Variants in LRRTM4 observed in about 807,000 individuals in gnomAD.
The protein encoded by LRRTM4 is leucine rich repeat transmembrane neuronal 4, also known as leucine-rich repeat transmembrane neuronal protein 4.
LRRTM4 carries 25 observed loss-of-function variants against 47.6 expected under a neutral mutation model. That is an observed-to-expected ratio of 0.53 (90% CI 0.38 to 0.73). The LOEUF (loss-of-function observed/expected upper bound fraction) is 0.73, where lower values mean the gene tolerates loss of function less well. Ranked by LOEUF, LRRTM4 falls within the 30% of genes least tolerant of loss-of-function variation. The pLI, the probability that LRRTM4 is intolerant of heterozygous loss-of-function variation, is 0.00. For synonymous variants in LRRTM4, 311 were observed against 269.5 expected, an observed-to-expected ratio of 1.15 and a Z score of -1.51; for missense variants, 638 against 713.4, an observed-to-expected ratio of 0.89 and a Z score of 1.20.
chr2:77,009,074 T>TGA (rs994759642), intron 3 of LRRTM4: 1 of 152,094 alleles, frequency 6.6e-6, no homozygotes, highest in Non-Finnish European at 1.5e-5. Context: ...AGGCAAATGC[T>TGA]GAGAGCACAC....
At chr2:77,178,532 G>A (rs1354115360) in intron 3 of LRRTM4, among the ~76,000 whole-genome samples, 2 of 152,100 alleles carry the variant, frequency 1.3e-5, no homozygotes, top group Non-Finnish European at 2.9e-5. Flanking sequence ...GTTGCAGTGA[G>A]TCAAGATCGC....
chr2:76,884,094 C>A (rs1039228203), intron 3 of LRRTM4, among the ~76,000 whole-genome samples: 8 of 151,880 alleles, frequency 5.3e-5, no homozygotes, highest in East Asian at 3.9e-4. Context: ...TGTTGAACCA[C>A]CATGCCCAGC....
At chr2:77,185,053 T>C (rs1336464295) in intron 3 of LRRTM4, among the ~76,000 whole-genome samples, 1 of 152,156 alleles carries the variant, frequency 6.6e-6, no homozygotes, top group Non-Finnish European at 1.5e-5. Flanking sequence ...GGACCAAAAT[T>C]AATACTTCTG....
At chr2:77,340,073 A>T (rs187819313) in intron 3 of LRRTM4, among the ~76,000 whole-genome samples, 161 of 152,136 alleles carry the variant, frequency 1.1e-3, no homozygotes, top group African/African-American at 3.4e-3. Flanking sequence ...GTAGATTTTT[A>T]AAAAATGATA....
intron 3 of LRRTM4, among the ~76,000 whole-genome samples, chr2:76,764,267 A>C (rs1311402455): frequency 6.6e-6 from 1 of 152,206 alleles, no homozygotes; most frequent in Admixed American, 6.5e-5. Flanking sequence ...AAAAGAAAAA[A>C]AGAGAAAGCA....
chr2:76,816,414 G>A (rs912670203), intron 3 of LRRTM4, among the ~76,000 whole-genome samples: 21 of 151,820 alleles, frequency 1.4e-4, no homozygotes, highest in African/African-American at 4.1e-4. Flanking sequence ...TCTACTCAAC[G>A]GAACTGAAAG....
At chr2:76,952,040 T>C (rs1462391433) in intron 3 of LRRTM4, among the ~76,000 whole-genome samples, 1 of 152,000 alleles carries the variant, frequency 6.6e-6, no homozygotes, top group Admixed American at 6.6e-5. Flanking sequence ...GATGGGCATT[T>C]GGGTTGGTTC....
chr2:77,394,341 C>T (rs894377396), intron 3 of LRRTM4, among the ~76,000 whole-genome samples: 6 of 151,980 alleles, frequency 3.9e-5, no homozygotes, highest in African/African-American at 2.4e-5. Flanking sequence ...TTTCTCCTTC[C>T]TTCCCTTACT....
intron 3 of LRRTM4, among the ~76,000 whole-genome samples, chr2:77,053,708 A>G (rs998602399): frequency 1.3e-5 from 2 of 152,162 alleles, no homozygotes; most frequent in African/African-American, 2.4e-5. Flanking sequence ...TTTGCCAAAC[A>G]TAAAAGGAAC....
chr2:77,211,780 A>C (rs1573083055), intron 3 of LRRTM4, among the ~76,000 whole-genome samples: 1 of 152,168 alleles, frequency 6.6e-6, no homozygotes, highest in South Asian at 2.1e-4. Context: ...TTTTAAGCGA[A>C]ATATCAGATA....
intron 3 of LRRTM4, among the ~76,000 whole-genome samples, chr2:76,944,488 A>T (rs938135866): frequency 8.5e-5 from 13 of 152,086 alleles, no homozygotes; most frequent in Non-Finnish European, 1.6e-4. Context: ...CCAGTACCTG[A>T]TAAGTATTAG....
intron 3 of LRRTM4, among the ~76,000 whole-genome samples, chr2:77,064,088 T>A (rs1052568567): frequency 6.6e-6 from 1 of 152,220 alleles, no homozygotes; most frequent in African/African-American, 2.4e-5. Context: ...TTTAAAAATG[T>A]AACTATGCAA....
At chr2:77,147,862 G>A (rs1025371196) in intron 3 of LRRTM4, among the ~76,000 whole-genome samples, 5 of 152,220 alleles carry the variant, frequency 3.3e-5, no homozygotes, top group South Asian at 2.1e-4. Flanking sequence ...GCTACCTTAC[G>A]GATACAATAT....
chr2:76,961,268 G>A (rs1372507013), intron 3 of LRRTM4, among the ~76,000 whole-genome samples: 1 of 151,294 alleles, frequency 6.6e-6, no homozygotes, highest in Non-Finnish European at 1.5e-5. Context: ...AGGAGATGCT[G>A]TCAAAACATG....
At chr2:77,396,721 G>T (rs2103825922) in intron 3 of LRRTM4, among the ~76,000 whole-genome samples, 1 of 151,988 alleles carries the variant, frequency 6.6e-6, no homozygotes, top group Non-Finnish European at 1.5e-5. Flanking sequence ...GCAATATATT[G>T]GTGAAACCAG....
At chr2:77,362,520 G>C (rs1024459422) in intron 3 of LRRTM4, among the ~76,000 whole-genome samples, 9 of 152,172 alleles carry the variant, frequency 5.9e-5, no homozygotes, top group African/African-American at 2.2e-4. Flanking sequence ...ATGATCACAA[G>C]CTGGTGCTGT....
At chr2:77,083,036 C>A (rs1434819699) in intron 3 of LRRTM4, among the ~76,000 whole-genome samples, 1 of 152,014 alleles carries the variant, frequency 6.6e-6, no homozygotes, top group East Asian at 1.9e-4. Flanking sequence ...TTAAATATAT[C>A]AGTATACACT....
At chr2:77,506,591 G>A (rs1429460129) in intron 3 of LRRTM4, among the ~76,000 whole-genome samples, 2 of 151,774 alleles carry the variant, frequency 1.3e-5, no homozygotes, top group Admixed American at 1.3e-4. Flanking sequence ...AATGTTAGGG[G>A]TATATGTGGA....
At chr2:77,490,553 G>C (rs1029962175) in intron 3 of LRRTM4, among the ~76,000 whole-genome samples, 5 of 152,122 alleles carry the variant, frequency 3.3e-5, no homozygotes, top group African/African-American at 1.2e-4. Flanking sequence ...TTAGCGAATG[G>C]TGACATTTTT....
Sources: gnomAD v4.1 joint callset for allele counts (sites outside exome capture counted in the v4.1 genomes callset) on GRCh38, gnomAD v4.1.1 for gene constraint, MANE v1.5 for transcripts, NCBI Gene and HGNC (gene_info 2026-07-23, HGNC 2026-07-21) for gene names.